FOXP2: variants seen among roughly 807,000 people sequenced by gnomAD.
The protein encoded by FOXP2 is forkhead box protein P2.
Under a neutral mutation model 115.8 loss-of-function variants are expected in FOXP2, and 12 were observed. That is an observed-to-expected ratio of 0.10 (90% confidence interval 0.07 to 0.17). FOXP2 has a LOEUF of 0.17. Ranked by LOEUF, FOXP2 falls within the 10% of genes least tolerant of loss-of-function variation. FOXP2 has a pLI of 1.00. For synonymous variants in FOXP2, 328 were observed against 297.7 expected, an observed-to-expected ratio of 1.10 and a Z score of -1.05; for missense variants, 629 against 843.5, an observed-to-expected ratio of 0.75 and a Z score of 3.15.
At chr7:114,411,195 T>C (rs1036928934), upstream of FOXP2, among the ~76,000 whole-genome samples, 6 of 152,108 alleles carry the variant, frequency 3.9e-5, no homozygotes, top group African/African-American at 1.4e-4. Flanking sequence ...ACCATATTCT[T>C]TATCTGGCTT....
At chr7:114,472,482 A>T in intron 2 of FOXP2, among the ~76,000 whole-genome samples, 1 of 151,584 alleles carries the variant, frequency 6.6e-6, no homozygotes, top group East Asian at 1.9e-4. Context: ...AGTAGCTGGG[A>T]CTACAGGCCT....
intron 2 of FOXP2, among the ~76,000 whole-genome samples, chr7:114,489,604 G>C (rs1343389436): frequency 1.3e-5 from 2 of 151,798 alleles, no homozygotes; most frequent in African/African-American, 4.8e-5. Flanking sequence ...TTGGGAGTGA[G>C]AGTAGCAGAA....
At chr7:114,477,008 T>C (rs1796303912) in intron 2 of FOXP2, among the ~76,000 whole-genome samples, 1 of 152,024 alleles carries the variant, frequency 6.6e-6, no homozygotes, top group African/African-American at 2.4e-5. Flanking sequence ...GAACAACAGA[T>C]GCTGGCAAGG....
chr7:114,385,528 A>G (rs1296631406), intron 2 of FOXP2, among the ~76,000 whole-genome samples: 2 of 152,104 alleles, frequency 1.3e-5, no homozygotes, highest in Non-Finnish European at 2.9e-5. Context: ...TTCCCCAAGA[A>G]AATTGAAAGT....
chr7:114,396,296 A>G (rs1792738232), intron 2 of FOXP2, among the ~76,000 whole-genome samples: 1 of 152,016 alleles, frequency 6.6e-6, no homozygotes, highest in Non-Finnish European at 1.5e-5. Context: ...GGTTTATTTC[A>G]CTTAACACAA....
chr7:114,383,105 A>G (rs1400751699), intron 2 of FOXP2, among the ~76,000 whole-genome samples: 2 of 152,190 alleles, frequency 1.3e-5, no homozygotes, highest in Non-Finnish European at 2.9e-5. Context: ...CTTGGGTTGC[A>G]GTTATGGCGG....
chr7:114,493,925 G>T (rs11765749), intron 2 of FOXP2, among the ~76,000 whole-genome samples: 6,521 of 150,876 alleles, frequency 0.043, 183 homozygotes, highest in Middle Eastern at 0.082. Context: ...TTATCTAATA[G>T]AATTAAATAT....
upstream of FOXP2, among the ~76,000 whole-genome samples, chr7:114,087,383 G>T (rs554149483): frequency 3.3e-5 from 5 of 152,260 alleles, no homozygotes; most frequent in South Asian, 1.0e-3. Flanking sequence ...CCGGTGTCTG[G>T]CCTGGTTTTA....
At chr7:114,348,407 T>C (rs1243739662) in intron 2 of FOXP2, among the ~76,000 whole-genome samples, 1 of 152,150 alleles carries the variant, frequency 6.6e-6, no homozygotes, top group East Asian at 1.9e-4. Context: ...TGTTTCCTTT[T>C]TCCCCTCTTG....
chr7:114,311,333 C>T (rs1422505178), intron 2 of FOXP2, among the ~76,000 whole-genome samples: 1 of 152,120 alleles, frequency 6.6e-6, no homozygotes, highest in Non-Finnish European at 1.5e-5. Flanking sequence ...TAACTGTTTC[C>T]TGCTGACAAA....
intron 2 of FOXP2, among the ~76,000 whole-genome samples, chr7:114,524,241 C>CT (rs1203033533): frequency 1.3e-5 from 2 of 151,894 alleles, no homozygotes; most frequent in East Asian, 3.9e-4. Context: ...TTCAGAGACA[C>CT]TTTTTTAAGG....
At chr7:114,496,068 T>G (rs1797307376) in intron 2 of FOXP2, among the ~76,000 whole-genome samples, 1 of 152,184 alleles carries the variant, frequency 6.6e-6, no homozygotes, top group Non-Finnish European at 1.5e-5. Context: ...GTCAATGGAT[T>G]TGAATAGCAA....
intron 3 of FOXP2, among the ~76,000 whole-genome samples, chr7:114,595,344 A>G (rs1296437690): frequency 6.6e-6 from 1 of 152,050 alleles, no homozygotes; most frequent in Non-Finnish European, 1.5e-5. Context: ...CCAGAAACAG[A>G]AGGGTATTAA....
At chr7:114,638,311 T>A (rs1165087047) in intron 6 of FOXP2, among the ~76,000 whole-genome samples, 1 of 152,110 alleles carries the variant, frequency 6.6e-6, no homozygotes, top group Non-Finnish European at 1.5e-5. Flanking sequence ...TTACTACACA[T>A]CTCAGAACTA....
upstream of FOXP2, among the ~76,000 whole-genome samples, chr7:114,159,947 G>A (rs568283706): frequency 2.0e-5 from 3 of 152,304 alleles, no homozygotes; most frequent in East Asian, 5.8e-4. Context: ...GAGGAAAAGT[G>A]TATGATTTAA....
intron 2 of FOXP2, among the ~76,000 whole-genome samples, chr7:114,476,705 T>C (rs1362510184): frequency 6.6e-6 from 1 of 152,100 alleles, no homozygotes; most frequent in African/African-American, 2.4e-5. Flanking sequence ...TAGATTGGTT[T>C]GGGCAGTTTA....
chr7:114,672,761 C>T (rs1198741981), intron 16 of FOXP2, among the ~76,000 whole-genome samples: 1 of 152,064 alleles, frequency 6.6e-6, no homozygotes, highest in Non-Finnish European at 1.5e-5. Context: ...ATTAGGCAGA[C>T]CTAGTGACAT....
intron 2 of FOXP2, among the ~76,000 whole-genome samples, chr7:114,372,990 A>C (rs1389895780): frequency 6.6e-6 from 1 of 151,940 alleles, no homozygotes; most frequent in Non-Finnish European, 1.5e-5. Context: ...AAATCATAGA[A>C]TAAAACTTCT....
intron 2 of FOXP2, among the ~76,000 whole-genome samples, chr7:114,530,315 T>G (rs1341982622): frequency 6.6e-6 from 1 of 151,896 alleles, no homozygotes; most frequent in Admixed American, 6.6e-5. Flanking sequence ...CTGAGTGCTT[T>G]GTTATTTATG....
Sources: gnomAD v4.1 joint callset for allele counts (sites outside exome capture counted in the v4.1 genomes callset) on GRCh38, gnomAD v4.1.1 for gene constraint, MANE v1.5 for transcripts, NCBI Gene and HGNC (gene_info 2026-07-23, HGNC 2026-07-21) for gene names.